PDE4DIP: variants seen among roughly 807,000 people sequenced by gnomAD.
The protein encoded by PDE4DIP is phosphodiesterase 4D interacting protein, also known as myomegalin.
A neutral mutation model predicts 221.4 loss-of-function variants in PDE4DIP; 59 were observed. That is an observed-to-expected ratio of 0.27 (90% CI 0.22 to 0.33). PDE4DIP has a LOEUF of 0.33. Ranked by LOEUF, PDE4DIP falls within the 10% of genes least tolerant of loss-of-function variation. PDE4DIP has a pLI of 1.00. For missense variants in PDE4DIP, 1,036 were observed against 2,154.2 expected (o/e 0.48, Z 10.28); for synonymous variants, 404 against 815.9 (o/e 0.50, Z 8.60).
At chr1:148,979,048 A>AAG (rs1265022332) in intron 19 of PDE4DIP, among the ~76,000 whole-genome samples, 2 of 151,842 alleles carry the variant, frequency 1.3e-5, no homozygotes, top group East Asian at 3.9e-4. Flanking sequence ...AAAAAAAAAA[A>AAG]AAAGAGAAAG....
At chr1:148,912,096 A>C (rs1365784893) in intron 1 of PDE4DIP, among the ~76,000 whole-genome samples, 2 of 143,686 alleles carry the variant, frequency 1.4e-5, no homozygotes, top group East Asian at 3.9e-4. Flanking sequence ...ACTACCTTTT[A>C]CTTTTTTTTT....
At chr1:148,929,909 G>A (rs1553468387) in intron 2 of PDE4DIP, 1 of 152,616 alleles carries the variant, frequency 6.6e-6, no homozygotes, top group Admixed American at 6.5e-5. Context: ...ACTACACTGT[G>A]GACTATTATG....
At chr1:148,823,664 TTA>T (rs1224034197) in intron 1 of PDE4DIP, among the ~76,000 whole-genome samples, 1 of 150,300 alleles carries the variant, frequency 6.7e-6, no homozygotes, top group African/African-American at 2.5e-5. Context: ...CTAATCTGTA[TTA>T]TCTTTTGGCT....
intron 43 of PDE4DIP, 116 bp from the exon 47 acceptor site, chr1:149,031,828 G>C: frequency 1.1e-6 from 1 of 901,206 alleles, no homozygotes. Flanking sequence ...CCTCTTAACT[G>C]GCTCTCACCG....
exon 27 of PDE4DIP, chr1:149,005,044 A>G (rs1553592406): frequency 6.2e-7 from 1 of 1,607,230 alleles, no homozygotes; most frequent in Non-Finnish European, 8.5e-7. Context: ...AAGCAGGAAG[A>G]GTTCCGGGTA....
chr1:149,028,410 C>T (rs587629249), intron 40 of PDE4DIP, 150 bp from the exon 44 acceptor site: 1 of 561,246 alleles, frequency 1.8e-6, no homozygotes, highest in South Asian at 2.5e-5. Context: ...AAGGGAGCAG[C>T]ACCTTAGTTC....
intron 27 of PDE4DIP, among the ~76,000 whole-genome samples, chr1:149,006,134 G>GA (rs148528730): frequency 2.2e-3 from 292 of 132,372 alleles, no homozygotes; most frequent in African/African-American, 4.6e-3. Context: ...GTCTGTCTCG[G>GA]AAAAAAAAAA....
At chr1:149,019,958 T>G (rs1480696002) in intron 35 of PDE4DIP, among the ~76,000 whole-genome samples, 189 bp from the exon 39 acceptor site, 4 of 151,962 alleles carry the variant, frequency 2.6e-5, no homozygotes, top group African/African-American at 9.7e-5. Context: ...CATGAAGGGT[T>G]TTGCAAAGAG....
At position 148,963,748 on chromosome 1, in the gene PDE4DIP, C is replaced by CTTTTTT. The variant is rs66921099; in HGVS notation, c.1194+1126_1194+1131dup. On this transcript the variant is annotated intron_variant, in intron 9 of 43. Coordinates refer to ENST00000369354, the Ensembl canonical transcript of PDE4DIP. The stretch of plus-strand genomic sequence containing the variant: ...TTCTTTCCTCTCTCTTTCTTTCCTT[C>CTTTTTT]TTTTTTTTTTTTTTTTTTTTTTTGA... 1.8e-3 allele frequency among the ~76,000 whole-genome samples: 160 copies of CTTTTTT among 89,146 alleles called. 1 individual carries two copies. Among genetic ancestry groups the CTTTTTT allele is most frequent in the East Asian group, 2.9e-3 (7 of 2,394 alleles). The allele number at this position is 89,146 out of a possible 152,430, so 58.5% of individuals were successfully genotyped here. A position where few individuals can be genotyped will look rare whatever the true frequency, so the allele number is the denominator to read the frequency against.
At chr1:148,998,059 C>T (rs1553567660) in intron 22 of PDE4DIP, 84 bp from the exon 26 acceptor site, 5 of 789,898 alleles carry the variant, frequency 6.3e-6, no homozygotes, top group Non-Finnish European at 1.0e-5. Flanking sequence ...TTTTTGTTCT[C>T]ATTTAAAACT....
intron 22 of PDE4DIP, among the ~76,000 whole-genome samples, chr1:148,994,668 A>G (rs1181328170): frequency 6.6e-6 from 1 of 152,092 alleles, no homozygotes; most frequent in African/African-American, 2.4e-5. Context: ...ACCATTTTTG[A>G]TGGTGAAACA....
At chr1:148,955,244 C>T (rs1474022127) in intron 5 of PDE4DIP, among the ~76,000 whole-genome samples, 9 of 152,266 alleles carry the variant, frequency 5.9e-5, no homozygotes, top group Admixed American at 6.5e-5. Context: ...TGTGACTAGA[C>T]ATAGGTGTTA....
chr1:149,014,747 A>G (rs2069833709), intron 32 of PDE4DIP, among the ~76,000 whole-genome samples: 1 of 143,866 alleles, frequency 7.0e-6, no homozygotes, highest in Non-Finnish European at 1.5e-5. Flanking sequence ...CTTTGAGCCA[A>G]GTTTCCGTGT....
intron 1 of PDE4DIP, among the ~76,000 whole-genome samples, chr1:148,918,651 A>ACACACACG (rs1553460092): frequency 0.014 from 1,832 of 127,954 alleles, 54 homozygotes; most frequent in East Asian, 0.048. Flanking sequence ...ACACACACAC[A>ACACACACG]CACACACCCT....
chr1:148,970,280 C>A (rs587636250), intron 14 of PDE4DIP, among the ~76,000 whole-genome samples: 1 of 147,692 alleles, frequency 6.8e-6, no homozygotes, highest in Non-Finnish European at 1.5e-5. Flanking sequence ...CTGTGTGCTT[C>A]AGAAATTGTT....
intron 1 of PDE4DIP, among the ~76,000 whole-genome samples, chr1:148,912,043 G>T (rs2042867477): frequency 6.8e-6 from 1 of 146,498 alleles, no homozygotes; most frequent in Non-Finnish European, 1.5e-5. Context: ...CAAACACCAA[G>T]AGGCGGGGAT....
At chr1:148,938,699 A>G in intron 5 of PDE4DIP, among the ~76,000 whole-genome samples, 1 of 151,296 alleles carries the variant, frequency 6.6e-6, no homozygotes, top group African/African-American at 2.4e-5. Flanking sequence ...TGAACCTTCC[A>G]GGTCCTTGAA....
intron 1 of PDE4DIP, among the ~76,000 whole-genome samples, chr1:148,821,696 A>G (rs1553361086): frequency 6.9e-6 from 1 of 144,892 alleles, no homozygotes; most frequent in African/African-American, 2.7e-5. Context: ...CCGTGGTAAG[A>G]AGTGGATGTT....
At chr1:148,925,737 G>A (rs1429023780) in intron 1 of PDE4DIP, among the ~76,000 whole-genome samples, 10 of 149,440 alleles carry the variant, frequency 6.7e-5, no homozygotes, top group African/African-American at 2.2e-4. Flanking sequence ...CATGCACATT[G>A]TCTCATTCAA....
Sources: gnomAD v4.1 joint callset for allele counts (sites outside exome capture counted in the v4.1 genomes callset) on GRCh38, gnomAD v4.1.1 for gene constraint, MANE v1.5 for transcripts, NCBI Gene and HGNC (gene_info 2026-07-23, HGNC 2026-07-21) for gene names.